BMS1: variants seen among roughly 807,000 people sequenced by gnomAD.
The protein encoded by BMS1 is BMS1 ribosome biogenesis factor, also known as ribosome biogenesis protein BMS1 homolog.
BMS1 carries 53 observed loss-of-function variants against 138.7 expected under a neutral mutation model. The ratio of observed to expected loss-of-function variants is 0.38; its 90% confidence interval spans 0.31 to 0.48. BMS1 has a LOEUF of 0.48. BMS1 is among the 20% of genes least tolerant of loss of function. BMS1 has a pLI of 0.97. For synonymous variants in BMS1, 504 were observed against 539.9 expected, an observed-to-expected ratio of 0.93 and a Z score of 0.92; for missense variants, 1,360 against 1,565.5, an observed-to-expected ratio of 0.87 and a Z score of 2.22.
At chr10:42,812,448 G>A (rs1842212016) in intron 13 of BMS1, among the ~76,000 whole-genome samples, 2 of 152,216 alleles carry the variant, frequency 1.3e-5, no homozygotes, top group African/African-American at 4.8e-5. Flanking sequence ...CCTCCGCCTA[G>A]TTTTAACAGT....
intron 13 of BMS1, among the ~76,000 whole-genome samples, chr10:42,803,386 G>T (rs1437087077): frequency 6.6e-6 from 1 of 152,026 alleles, no homozygotes; most frequent in Non-Finnish European, 1.5e-5. Context: ...CAATCTTCCC[G>T]CCTTAGCCTT....
chr10:42,802,150 T>C lies in BMS1; in HGVS notation c.2261T>C (p.Ile754Thr), dbSNP rs1373268205. 6.2e-7 allele frequency: 1 copy of C among 1,613,340 alleles called. No individual in the cohort carries two copies. Among genetic ancestry groups the C allele is most frequent in the East Asian group, 2.2e-5 (1 of 44,850 alleles). Residue 754 changes from isoleucine to threonine, a missense_variant, in exon 13 of 23, where the codon ATC becomes ACC. By Grantham distance (89) the Ile-to-Thr change is moderately conservative. Around this residue, in one of 3 missense-constraint regions of BMS1, gnomAD observed 697 missense variants for 686.2 expected, o/e 1.02. Coordinates refer to ENST00000374518, the MANE Select transcript of BMS1 (RefSeq NM_014753.4). Reference sequence around the variant, plus strand: ...TTTCTGCGTAAGGTTATGAACAGTATCAGAGATTGCTTCGTGACTGGAAAG... The same window carrying C: ...TTTCTGCGTAAGGTTATGAACAGTACCAGAGATTGCTTCGTGACTGGAAAG... ...DWDLEEVMNSIRDCFVTGKWE... is the reference protein window; with the variant it reads ...DWDLEEVMNSTRDCFVTGKWE...
chr10:42,797,176 A>G lies in BMS1; in HGVS notation c.1932A>G (p.Leu644=). ...ATGAGACCAGTGATATAGAAAATTT[A>G]CTCAAAGAGGAAGAAGATTACAAGG... ...FIDETSDIEN[L]LKEEEDYKEE... is the part of the protein sequence containing the mutation. The change falls in exon 10 of 23, where the codon TTA becomes TTG. Residue 644 remains leucine, a synonymous_variant. Coordinates refer to ENST00000374518, the MANE Select transcript of BMS1 (RefSeq NM_014753.4). 12 of 1,612,504 alleles carry G rather than the reference A, an allele frequency of 7.4e-6. No individual in the cohort carries two copies. Among genetic ancestry groups the G allele is most frequent in the Non-Finnish European group, 1.0e-5 (12 of 1,179,532 alleles).
chr10:42,813,242 C>T (rs1842242375), intron 13 of BMS1, among the ~76,000 whole-genome samples: 1 of 152,170 alleles, frequency 6.6e-6, no homozygotes, highest in African/African-American at 2.4e-5. Flanking sequence ...ATTATAGGCT[C>T]TCCATCCATC....
At chr10:42,828,502 G>A (rs1327998368) in intron 21 of BMS1, among the ~76,000 whole-genome samples, 2 of 152,180 alleles carry the variant, frequency 1.3e-5, no homozygotes, top group Non-Finnish European at 2.9e-5. Flanking sequence ...CTGCTTCAGT[G>A]TGGAGGCTTC....
intron 11 of BMS1, 140 bp downstream of exon 11, chr10:42,797,663 AATC>A (rs2132320591): frequency 1.2e-6 from 1 of 803,692 alleles, no homozygotes; most frequent in Admixed American, 2.4e-5. Context: ...AGATGTCTCT[AATC>A]ATCAGCTTAT....
intron 13 of BMS1, among the ~76,000 whole-genome samples, chr10:42,810,730 TTA>T: frequency 6.6e-6 from 1 of 152,290 alleles, no homozygotes; most frequent in African/African-American, 2.4e-5. Flanking sequence ...TTTTGGTAGT[TTA>T]TGATTTTCAA....
At chr10:42,797,771 T>G (rs759051115) in intron 11 of BMS1, among the ~76,000 whole-genome samples, 1 of 152,206 alleles carries the variant, frequency 6.6e-6, no homozygotes, top group Non-Finnish European at 1.5e-5. Flanking sequence ...GTCCCCTATT[T>G]AAAAGTCCTT....
At position 42,793,164 on chromosome 10, in the gene BMS1, C is replaced by A; in HGVS notation, c.1089+20C>A. 1 of 1,569,224 alleles carries A rather than the reference C, an allele frequency of 6.4e-7. No homozygotes were observed. Among genetic ancestry groups the A allele is most frequent in the South Asian group, 1.2e-5 (1 of 83,522 alleles). ...TTTCAGGTATCGGTGAGACGGGAGTCATTTCTCTGAACTTTCAGTATTCTT... is the reference window on the plus strand; with the variant it reads ...TTTCAGGTATCGGTGAGACGGGAGTAATTTCTCTGAACTTTCAGTATTCTT... On this transcript the variant is annotated intron_variant, in intron 8 of 22. Transcript: ENST00000374518.
rs949955497 is a variant in BMS1 at position 42,791,724 on chromosome 10, G to A, written c.734G>A (p.Arg245Lys). 1 of 1,613,196 alleles carries A rather than the reference G, an allele frequency of 6.2e-7. No homozygotes were observed. Among genetic ancestry groups the A allele is most frequent in the Non-Finnish European group, 8.5e-7 (1 of 1,179,656 alleles). The change falls in exon 6 of 23, where the codon AGG becomes AAG. Residue 245 changes from arginine (R) to lysine (K), a missense_variant. Around this residue, in one of 3 missense-constraint regions of BMS1, gnomAD observed 238 missense variants for 311.1 expected, o/e 0.77. Coordinates refer to ENST00000374518, the MANE Select transcript of BMS1 (RefSeq NM_014753.4). ...CGTTTTATTACAGTTATGAAGTTTA[G>A]GCCTCTCACATGGCAAACTTCTCAC... The part of the protein sequence containing the change: ...LGRFITVMKF[R>K]PLTWQTSHPY...
At chr10:42,814,441 C>T (rs1404028258) in intron 13 of BMS1, among the ~76,000 whole-genome samples, 1 of 151,926 alleles carries the variant, frequency 6.6e-6, no homozygotes, top group Non-Finnish European at 1.5e-5. Context: ...TCTGTAATTT[C>T]CATTTGATTC....
At chr10:42,794,873 A>G (rs1841627315) in intron 9 of BMS1, among the ~76,000 whole-genome samples, 1 of 151,842 alleles carries the variant, frequency 6.6e-6, no homozygotes, top group African/African-American at 2.4e-5. Context: ...CTAACTTGTC[A>G]TCTAGCATTA....
At chr10:42,785,375 CAT>C in intron 2 of BMS1, 105 bp from the exon 3 acceptor site, 2 of 889,482 alleles carry the variant, frequency 2.2e-6, no homozygotes, top group Non-Finnish European at 3.3e-6. Flanking sequence ...CTAAAGTACT[CAT>C]AGCTATAAGT....
At chr10:42,797,608 A>G (rs1841732009) in intron 11 of BMS1, 85 bp downstream of exon 11, 7 of 1,302,310 alleles carry the variant, frequency 5.4e-6, no homozygotes, top group Admixed American at 1.9e-5. Context: ...TTCGGCTGGT[A>G]TTGTTGACAT....
At chr10:42,806,338 T>C (rs1842009627) in intron 13 of BMS1, among the ~76,000 whole-genome samples, 1 of 152,214 alleles carries the variant, frequency 6.6e-6, no homozygotes, top group South Asian at 2.1e-4. Flanking sequence ...TTAATTTTTC[T>C]TGCCTTACTG....
In BMS1 at chr10:42,827,667, G is replaced by A. The variant is rs544506939; in HGVS notation, c.3457-2594G>A. ...CTGATCCCTCTGGGGGATGGGTGGT[G>A]GGGGGCAGATATTTCCTTCTCTCCT... On this transcript the variant is annotated intron_variant, in intron 21 of 22. Coordinates refer to ENST00000374518, the MANE Select transcript of BMS1 (RefSeq NM_014753.4). Among the ~76,000 whole-genome samples the A allele has an allele frequency of 3.5e-4, 53 of 152,240 alleles. No individual in the cohort carries two copies. In the South Asian group the frequency reaches 0.01, roughly 29 times the overall value.
At chr10:42,796,098 T>C (rs1203476190) in intron 9 of BMS1, among the ~76,000 whole-genome samples, 1 of 152,254 alleles carries the variant, frequency 6.6e-6, no homozygotes, top group African/African-American at 2.4e-5. Flanking sequence ...TTCTTTCTGC[T>C]TTGGGCCTGG....
intron 11 of BMS1, among the ~76,000 whole-genome samples, chr10:42,797,834 ATATT>A (rs1841737762): frequency 6.6e-6 from 1 of 152,198 alleles, no homozygotes; most frequent in Non-Finnish European, 1.5e-5. Context: ...GCCCATAAAA[ATATT>A]TATTTTTTTC....
At chr10:42,808,707 G>T (rs1002950630) in intron 13 of BMS1, among the ~76,000 whole-genome samples, 4 of 152,066 alleles carry the variant, frequency 2.6e-5, no homozygotes, top group Non-Finnish European at 5.9e-5. Flanking sequence ...TGAGATATGA[G>T]GCTTAGCTCA....
Sources: gnomAD v4.1 joint callset for allele counts (sites outside exome capture counted in the v4.1 genomes callset) on GRCh38, gnomAD v4.1.1 for gene constraint, gnomAD v4.1.1 regional missense constraint, MANE v1.5 for transcripts, NCBI Gene and HGNC (gene_info 2026-07-23, HGNC 2026-07-21) for gene names.